SRPX: variants seen among roughly 807,000 people sequenced by gnomAD.
SRPX encodes the protein sushi repeat-containing protein SRPX.
Under a neutral mutation model 38.1 loss-of-function variants are expected in SRPX, and 24 were observed. The ratio of observed to expected loss-of-function variants is 0.63; its 90% CI spans 0.46 to 0.89. The LOEUF is 0.89. Among genes scored for constraint, SRPX ranks in the 40% least tolerant of loss-of-function variants. SRPX has a pLI of 0.00. For synonymous variants in SRPX, 184 were observed against 153.8 expected, an observed-to-expected ratio of 1.20 and a Z score of -1.45; for missense variants, 416 against 377.8, an observed-to-expected ratio of 1.10 and a Z score of -0.84.
intron 1 of SRPX, among the ~76,000 whole-genome samples, chrX:38,198,223 C>G (rs1053894378): frequency 9.0e-6 from 1 of 111,711 alleles, no homozygotes. Flanking sequence ...TGAATGCTCA[C>G]AAAAGATCAT....
At chrX:38,217,375 G>A (rs1939437445) in intron 1 of SRPX, among the ~76,000 whole-genome samples, 1 of 111,955 alleles carries the variant, frequency 8.9e-6, no homozygotes, top group East Asian at 2.8e-4. Flanking sequence ...TGGGGGTGTT[G>A]CTGGATGATG....
In SRPX at chrX:38,166,891, C is replaced by T. The variant is rs138660238; in HGVS notation, c.527-1996G>A. 9.1e-3 allele frequency among the ~76,000 whole-genome samples: 1,013 copies of T among 111,590 alleles called. 18 individuals carry two copies. The highest frequency in any genetic ancestry group is 0.032 in the African/African-American group (970 of 30,654). Reference sequence around the variant, plus strand: ...TGTACTAACAGTGTAAGCACACAGGCTCCAAGATAGGTTATCTGGGTGAAG... The same window carrying T: ...TGTACTAACAGTGTAAGCACACAGGTTCCAAGATAGGTTATCTGGGTGAAG... On this transcript the variant is annotated intron_variant, in intron 4 of 9. Transcript: ENST00000378533.
intron 1 of SRPX, 53 bp from the exon 2 acceptor site, chrX:38,178,397 G>T: frequency 9.5e-7 from 1 of 1,058,000 alleles, no homozygotes; most frequent in Non-Finnish European, 1.3e-6. Context: ...TAGTATGGAC[G>T]CATATTTCAA....
intron 1 of SRPX, among the ~76,000 whole-genome samples, chrX:38,186,589 T>G (rs963244294): frequency 8.9e-6 from 1 of 112,101 alleles, no homozygotes; most frequent in African/African-American, 3.2e-5. Flanking sequence ...AGTCTTCTCT[T>G]AGGTCACTGC....
At chrX:38,186,341 T>C (rs758755925) in intron 1 of SRPX, among the ~76,000 whole-genome samples, 9 of 111,573 alleles carry the variant, frequency 8.1e-5, no homozygotes, top group Non-Finnish European at 1.5e-4. Flanking sequence ...AGCCATCAGA[T>C]GAAACTGCAG....
intron 1 of SRPX, among the ~76,000 whole-genome samples, chrX:38,194,557 T>C (rs962871301): frequency 1.8e-5 from 2 of 112,176 alleles, no homozygotes; most frequent in African/African-American, 3.2e-5. Context: ...CTGCACATTG[T>C]TCAAGGGAGA....
intron 9 of SRPX, among the ~76,000 whole-genome samples, chrX:38,153,772 G>A (rs1044477989): frequency 4.5e-5 from 5 of 111,736 alleles, no homozygotes; most frequent in African/African-American, 1.6e-4. Context: ...CTGAGGCCCT[G>A]AGAGACAGGG....
chrX:38,172,367 C>T (rs1038636368), intron 3 of SRPX, among the ~76,000 whole-genome samples: 2 of 112,964 alleles, frequency 1.8e-5, no homozygotes, highest in African/African-American at 6.4e-5. Context: ...GCAGGAGGAT[C>T]GCTTGAACCC....
intron 1 of SRPX, among the ~76,000 whole-genome samples, chrX:38,181,222 C>T (rs1938666505): frequency 1.8e-5 from 2 of 112,302 alleles, no homozygotes; most frequent in South Asian, 7.4e-4. Context: ...AGAGCCCAAA[C>T]AGGGCATAGA....
chrX:38,214,297 C>T (rs1939389778), intron 1 of SRPX, among the ~76,000 whole-genome samples: 1 of 111,193 alleles, frequency 9.0e-6, no homozygotes, highest in African/African-American at 3.3e-5. Flanking sequence ...TCTGAGGTTC[C>T]GTGGTTCCAT....
chrX:38,176,159 A>C (rs1300944043), intron 2 of SRPX, among the ~76,000 whole-genome samples: 1 of 111,486 alleles, frequency 9.0e-6, no homozygotes, highest in African/African-American at 3.3e-5. Flanking sequence ...CTCTCTCAAA[A>C]TATCTAATAT....
At chrX:38,160,272 A>G in intron 6 of SRPX, 76 bp from the exon 7 acceptor site, 2 of 1,027,313 alleles carry the variant, frequency 1.9e-6, no homozygotes, top group Admixed American at 2.4e-5. Flanking sequence ...GTGAGGATGC[A>G]GAGGCATCAG....
chrX:38,149,504 A>C lies in SRPX; in HGVS notation c.*207T>G. On this transcript the variant is annotated 3_prime_UTR_variant, in exon 10 of 10. Coordinates refer to ENST00000378533, the MANE Select transcript of SRPX (RefSeq NM_006307.5). ...CATGATGGAGTAAAGAAAGTTAGAA[A>C]GAGTAAATATGGTCATATAATTTTT... 2 of 360,603 alleles carry C rather than the reference A, an allele frequency of 5.5e-6. No homozygotes were observed. Among genetic ancestry groups the C allele is most frequent in the Non-Finnish European group, 9.3e-6 (2 of 214,940 alleles). 29.7% of individuals were successfully genotyped at this position (360,603 alleles called of 1,213,427 possible).
Position 38,178,319 on chromosome X carries a change from G to A in SRPX, c.123C>T (p.Asp41=), listed in dbSNP as rs768531810. The A allele has an allele frequency of 8.3e-6, 10 of 1,209,758 alleles. No individual in the cohort carries two copies. Among genetic ancestry groups the A allele is most frequent in the Non-Finnish European group, 1.0e-5 (9 of 894,357 alleles). The change falls in exon 2 of 10, where the codon GAC becomes GAT. Residue 41 remains aspartate (D), a synonymous_variant. Transcript: ENST00000378533. ...TAGGGTGTGAATACCCGACTTCATC[G>A]TCTTCTAGTGGTGAGTCTCCCGATC... ...FPGSGDSPLE[D]DEVGYSHPRY... is the part of the protein sequence containing the mutation.
intron 1 of SRPX, among the ~76,000 whole-genome samples, chrX:38,180,913 A>G (rs1938658106): frequency 8.9e-6 from 1 of 112,502 alleles, no homozygotes; most frequent in Non-Finnish European, 1.9e-5. Context: ...AATATGGCAA[A>G]GCTCATGTGT....
intron 1 of SRPX, among the ~76,000 whole-genome samples, chrX:38,186,329 C>T (rs1042316657): frequency 9.0e-6 from 1 of 111,354 alleles, no homozygotes; most frequent in Non-Finnish European, 1.9e-5. Flanking sequence ...ACCCACAAGT[C>T]GAGCCATCAG....
At position 38,220,711 on chromosome X, in the gene SRPX, TG is replaced by T; in HGVS notation, c.81del (p.Ser28AlafsTer12). ...CCGATCCTACCTGGGAAGCTGCGGCTGGGCGGGACGCGCAGCAGCAGCAGCA... is the reference window on the plus strand; with the variant it reads ...CCGATCCTACCTGGGAAGCTGCGGCTGGCGGGACGCGCAGCAGCAGCAGCA... ...LLLLLLLRVPPSRSFPGSGDS... is the reference protein window; with the variant it reads ...LLLLLLLRVPXSRSFPGSGDS... On this transcript the variant is annotated frameshift_variant, in exon 1 of 10. Transcript: ENST00000378533. LOFTEE classifies it high-confidence loss of function. 1 of 1,172,622 alleles carries T rather than the reference TG, an allele frequency of 8.5e-7. No homozygotes were observed. The highest frequency in any genetic ancestry group is 1.1e-6 in the Non-Finnish European group (1 of 880,482).
At chrX:38,209,146 A>C (rs1236012641) in intron 1 of SRPX, among the ~76,000 whole-genome samples, 1 of 110,208 alleles carries the variant, frequency 9.1e-6, no homozygotes, top group Non-Finnish European at 1.9e-5. Context: ...CATTCAGACC[A>C]CCAAGCCAAG....
chrX:38,153,302 C>CTTTTT (rs58888978), intron 9 of SRPX, among the ~76,000 whole-genome samples: 782 of 54,465 alleles, frequency 0.014, no homozygotes, highest in Non-Finnish European at 0.02. Context: ...TTCTTTCTTT[C>CTTTTT]TTTTTTTTTT....
Sources: allele counts gnomAD v4.1 joint callset (sites outside exome capture counted in the v4.1 genomes callset), GRCh38; gene constraint gnomAD v4.1.1; transcripts MANE v1.5; gene names NCBI Gene and HGNC (gene_info 2026-07-23, HGNC 2026-07-21).